The following PTPN4 variants were observed in gnomAD, a reference collection of about 807,000 sequenced individuals.
The protein encoded by PTPN4 is protein tyrosine phosphatase non-receptor type 4, also known as tyrosine-protein phosphatase non-receptor type 4.
Under a neutral mutation model 135.5 loss-of-function variants are expected in PTPN4, and 49 were observed. That is an observed-to-expected ratio of 0.36 (90% CI 0.29 to 0.46). The LOEUF is 0.46. Ranked by LOEUF, PTPN4 falls within the 20% of genes least tolerant of loss-of-function variation. The pLI is 1.00. For missense variants in PTPN4, 860 were observed against 1,101.0 expected, an observed-to-expected ratio of 0.78 and a Z score of 3.10; for synonymous variants, 333 against 369.9, an observed-to-expected ratio of 0.90 and a Z score of 1.14.
At chr2:119,919,577 C>G (rs113243998) in intron 11 of PTPN4, among the ~76,000 whole-genome samples, 54 of 152,242 alleles carry the variant, frequency 3.5e-4, no homozygotes, top group African/African-American at 1.3e-3. Flanking sequence ...AATCCCAGCA[C>G]TTTGTGAGGC....
At chr2:119,807,192 T>G (rs1691488503) in intron 1 of PTPN4, among the ~76,000 whole-genome samples, 1 of 151,818 alleles carries the variant, frequency 6.6e-6, no homozygotes, top group South Asian at 2.1e-4. Flanking sequence ...GCAAACACAT[T>G]CAAAAGCTAG....
chr2:119,925,055 T>A (rs1370670309), intron 12 of PTPN4, among the ~76,000 whole-genome samples: 1 of 152,146 alleles, frequency 6.6e-6, no homozygotes, highest in Non-Finnish European at 1.5e-5. Context: ...TCTGTTTCCC[T>A]GACTGAACTC....
chr2:119,972,747 G>A (rs112440256), intron 26 of PTPN4, among the ~76,000 whole-genome samples: 3,544 of 152,130 alleles, frequency 0.023, 128 homozygotes, highest in African/African-American at 0.078. Flanking sequence ...CTTGTTCATT[G>A]AGTGTTTTCA....
In PTPN4 at chr2:119,877,463, G is replaced by A; in HGVS notation, c.290-1G>A. ...ATTAGAACTACTTTTATTAATTCTA[G>A]GAGGATCTCCTTACAGTTTGAACTT... On this transcript the variant is annotated splice_acceptor_variant, in intron 4 of 26. Coordinates refer to ENST00000263708, the MANE Select transcript of PTPN4 (RefSeq NM_002830.4). LOFTEE classifies it high-confidence loss of function. 6.2e-7 allele frequency: 1 copy of A among 1,608,906 alleles called. No homozygotes were observed. Among genetic ancestry groups the A allele is most frequent in the Non-Finnish European group, 8.5e-7 (1 of 1,178,416 alleles).
At chr2:119,955,775 A>C (rs1679271689) in intron 20 of PTPN4, among the ~76,000 whole-genome samples, 1 of 151,994 alleles carries the variant, frequency 6.6e-6, no homozygotes, top group African/African-American at 2.4e-5. Flanking sequence ...GTCTCTACTA[A>C]AAATACAAAA....
chr2:119,894,194 A>G (rs768218712), intron 9 of PTPN4, among the ~76,000 whole-genome samples: 10 of 152,196 alleles, frequency 6.6e-5, no homozygotes, highest in Non-Finnish European at 1.2e-4. Flanking sequence ...CCAAAACCTC[A>G]TTTTTAACCT....
intron 10 of PTPN4, among the ~76,000 whole-genome samples, chr2:119,905,095 G>T (rs549948178): frequency 1.3e-5 from 2 of 150,530 alleles, no homozygotes; most frequent in East Asian, 1.9e-4. Flanking sequence ...AATAAAGGAT[G>T]TACAAAACAA....
intron 12 of PTPN4, 69 bp from the exon 13 acceptor site, chr2:119,926,529 G>A (rs1678826724): frequency 9.3e-7 from 1 of 1,078,444 alleles, no homozygotes; most frequent in Admixed American, 2.2e-5. Context: ...CTATAATCAT[G>A]TTATGTGTTG....
chr2:119,816,931 C>T (rs1004998971), intron 2 of PTPN4, among the ~76,000 whole-genome samples: 3 of 152,198 alleles, frequency 2.0e-5, no homozygotes, highest in Non-Finnish European at 2.9e-5. Flanking sequence ...TGATTCTCTT[C>T]TAGCACGGAC....
At chr2:119,841,041 C>G (rs1677373137) in intron 2 of PTPN4, among the ~76,000 whole-genome samples, 1 of 151,724 alleles carries the variant, frequency 6.6e-6, no homozygotes, top group East Asian at 1.9e-4. Flanking sequence ...CTCTGATAGG[C>G]TTTTTTCTTT....
chr2:119,775,587 G>T (rs1690820850), intron 1 of PTPN4, among the ~76,000 whole-genome samples: 1 of 152,188 alleles, frequency 6.6e-6, no homozygotes, highest in Non-Finnish European at 1.5e-5. Flanking sequence ...CTATGGAAAG[G>T]ATTGTCAGCA....
rs1308631519 is a variant in PTPN4, at chr2:119,981,424, T to C, written c.*4354T>C. The C allele has an allele frequency of 6.6e-6, 1 of 152,120 alleles. No homozygotes were observed. The highest frequency in any genetic ancestry group is 1.9e-4 in the East Asian group (1 of 5,198). 9.4% of individuals were successfully genotyped at this position (152,120 alleles called of 1,614,324 possible). On this transcript the variant is annotated 3_prime_UTR_variant, in exon 27 of 27. Transcript: ENST00000263708. Reference sequence around the variant, plus strand: ...GCTTCCTCCAAGTGAAATAACTATGTTATTAAAACCTACTGGATTAATTTT... The same window carrying C: ...GCTTCCTCCAAGTGAAATAACTATGCTATTAAAACCTACTGGATTAATTTT...
chr2:119,801,085 A>AT (rs779793624), intron 1 of PTPN4, among the ~76,000 whole-genome samples: 25 of 151,566 alleles, frequency 1.6e-4, no homozygotes, highest in Admixed American at 3.3e-4. Context: ...TTCCATATTA[A>AT]TTTTTTATTT....
At position 119,877,655 on chromosome 2, in the gene PTPN4, A is replaced by G. The variant is rs1039336617; in HGVS notation, c.368+113A>G. The G allele has an allele frequency of 9.1e-6, 12 of 1,318,702 alleles. No individual in the cohort carries two copies. In the African/African-American group the frequency reaches 1.5e-4, roughly 16 times the overall value. 81.7% of individuals were successfully genotyped at this position (1,318,702 alleles called of 1,614,324 possible). On this transcript the variant is annotated intron_variant, in intron 5 of 26. Coordinates refer to ENST00000263708, the MANE Select transcript of PTPN4 (RefSeq NM_002830.4). Reference sequence around the variant, plus strand: ...TGGTGTAATTCTGAGCTTTCCAGTCAGTACACAGAATAAGTTATGGCTATT... The same window carrying G: ...TGGTGTAATTCTGAGCTTTCCAGTCGGTACACAGAATAAGTTATGGCTATT...
chr2:119,901,718 A>G (rs1023826685), intron 10 of PTPN4, among the ~76,000 whole-genome samples: 10 of 152,348 alleles, frequency 6.6e-5, no homozygotes, highest in African/African-American at 2.4e-4. Flanking sequence ...TACTAAGGGA[A>G]AAGTATATGG....
intron 1 of PTPN4, among the ~76,000 whole-genome samples, chr2:119,765,219 A>G (rs761183372): frequency 1.8e-4 from 28 of 152,186 alleles, no homozygotes; most frequent in African/African-American, 3.6e-4. Flanking sequence ...TCATTTTTCT[A>G]TTCCCATCTT....
At position 119,966,547 on chromosome 2, in the gene PTPN4, C is replaced by T. The variant is rs563648638; in HGVS notation, c.2558+902C>T. Among the ~76,000 whole-genome samples, 6 of 152,248 alleles carry T rather than the reference C, an allele frequency of 3.9e-5. No individual in the cohort carries two copies. The East Asian group carries it at 7.7e-4, about 20-fold the overall frequency. ...TGTTGGGATTACAGGTGTGAGCCACCGCGCCTCACCGGTTCCACCTCCTAA... is the reference window on the plus strand; with the variant it reads ...TGTTGGGATTACAGGTGTGAGCCACTGCGCCTCACCGGTTCCACCTCCTAA... On this transcript the variant is annotated intron_variant, in intron 25 of 26. Coordinates refer to ENST00000263708, the MANE Select transcript of PTPN4 (RefSeq NM_002830.4).
chr2:119,897,882 C>T (rs1678347475), intron 9 of PTPN4, among the ~76,000 whole-genome samples: 1 of 152,138 alleles, frequency 6.6e-6, no homozygotes, highest in Admixed American at 6.5e-5. Flanking sequence ...TAAGTAGGCT[C>T]TTTGGAGGAG....
At chr2:119,879,616 G>T (rs965871943) in intron 5 of PTPN4, among the ~76,000 whole-genome samples, 1 of 152,170 alleles carries the variant, frequency 6.6e-6, no homozygotes, top group Non-Finnish European at 1.5e-5. Flanking sequence ...GCATAGGCAT[G>T]CACAAGTTCC....
Sources: gnomAD v4.1 joint callset for allele counts (sites outside exome capture counted in the v4.1 genomes callset) on GRCh38, gnomAD v4.1.1 for gene constraint, MANE v1.5 for transcripts, NCBI Gene and HGNC (gene_info 2026-07-23, HGNC 2026-07-21) for gene names.